Variants in MDN1 observed in about 807,000 individuals in gnomAD.
MDN1 encodes the protein midasin AAA ATPase 1, also known as midasin.
MDN1 carries 266 observed loss-of-function variants against 669.2 expected under a neutral mutation model. That is an observed-to-expected ratio of 0.40 (90% CI 0.36 to 0.44). The LOEUF is 0.44. Among genes scored for constraint, MDN1 ranks in the 20% least tolerant of loss-of-function variants. The pLI is 1.00. For missense variants in MDN1, 5,940 were observed against 6,754.0 expected (o/e 0.88, Z 4.22); for synonymous variants, 2,385 against 2,457.1 (o/e 0.97, Z 0.87).
chr6:89,774,685 G>C lies in MDN1; in HGVS notation c.1870C>G (p.Leu624Val). The C allele has an allele frequency of 6.2e-7, 1 of 1,613,642 alleles. No individual in the cohort carries two copies. Among genetic ancestry groups the C allele is most frequent in the Non-Finnish European group, 8.5e-7 (1 of 1,179,692 alleles). The change falls in exon 13 of 102, where the codon CTA becomes GTA. Residue 624 changes from leucine to valine, a missense_variant. Leu to Val is a conservative substitution (Grantham distance 32). Coordinates refer to ENST00000369393, the MANE Select transcript of MDN1 (RefSeq NM_014611.3). ...LYKPEIVINE[L>V]DLQVGRVRLL... ...CGCACTCGACCCACTTGCAAATCTA[G>C]CTCATTGATCACAATTTCTGGTTTA...
rs552441841 is a variant in MDN1, at chr6:89,701,122, G to A, written c.8428-266C>T. ...TTCATGGGATAGAGCCTGCCCTCTT[G>A]TTATGTGCGGGTTCCGCATCAATTC... On this transcript the variant is annotated intron_variant, in intron 55 of 101. Coordinates refer to ENST00000369393, the MANE Select transcript of MDN1 (RefSeq NM_014611.3). 9.2e-5 allele frequency among the ~76,000 whole-genome samples: 14 copies of A among 152,330 alleles called. No homozygotes were observed. The South Asian group carries it at 2.9e-3, about 32-fold the overall frequency.
Position 89,661,421 on chromosome 6 carries a change from A to G in MDN1, c.14713+10T>C. ...GTTCTAACCGGTCTCTTTGTTTCTG[A>G]AAGACGCACCTTCTCCTTCTTCATT... On this transcript the variant is annotated intron_variant, in intron 88 of 101. Transcript: ENST00000369393. 1 of 1,608,246 alleles carries G rather than the reference A, an allele frequency of 6.2e-7. No individual in the cohort carries two copies.
intron 4 of MDN1, 52 bp from the exon 5 acceptor site, chr6:89,794,006 G>C: frequency 6.8e-7 from 1 of 1,480,656 alleles, no homozygotes. Context: ...AAATGCTATC[G>C]CAAGACCTGC....
intron 33 of MDN1, 71 bp from the exon 34 acceptor site, chr6:89,732,846 G>A (rs1815693454): frequency 3.6e-6 from 5 of 1,395,986 alleles, no homozygotes; most frequent in Middle Eastern, 3.7e-4. Flanking sequence ...ATAACCAGGG[G>A]CACACAAATG....
chr6:89,688,874 G>C (rs1276474982), intron 65 of MDN1, 66 bp from the exon 66 acceptor site: 5 of 1,366,776 alleles, frequency 3.7e-6, no homozygotes, highest in Non-Finnish European at 5.1e-6. Flanking sequence ...ATGTCAAAAA[G>C]ATGTCAGCAA....
intron 22 of MDN1, among the ~76,000 whole-genome samples, chr6:89,751,793 G>C (rs764237822): frequency 1.5e-4 from 23 of 152,108 alleles, no homozygotes; most frequent in Non-Finnish European, 3.2e-4. Flanking sequence ...GAGTAGGTGG[G>C]TTTGGAAAAA....
chr6:89,670,767 C>G (rs558377210), intron 83 of MDN1, 152 bp downstream of exon 83: 1 of 885,372 alleles, frequency 1.1e-6, no homozygotes, highest in East Asian at 2.7e-5. Flanking sequence ...CAAAAGGATG[C>G]CAGACAAAGC....
At chr6:89,750,310 A>G in intron 24 of MDN1, 44 bp downstream of exon 24, 1 of 1,527,784 alleles carries the variant, frequency 6.5e-7, no homozygotes, top group South Asian at 1.2e-5. Flanking sequence ...AATGTGTGTG[A>G]AAGAATAAAC....
chr6:89,734,259 T>C (rs1419250944), intron 33 of MDN1, among the ~76,000 whole-genome samples: 1 of 152,046 alleles, frequency 6.6e-6, no homozygotes, highest in Non-Finnish European at 1.5e-5. Flanking sequence ...TACTCCAGCC[T>C]GGGTGACAGA....
At position 89,695,969 on chromosome 6, in the gene MDN1, C is replaced by T. The variant is rs2128308725; in HGVS notation, c.9407G>A (p.Gly3136Glu). 6.2e-7 allele frequency: 1 copy of T among 1,608,996 alleles called. No individual in the cohort carries two copies. Among genetic ancestry groups the T allele is most frequent in the Non-Finnish European group, 8.5e-7 (1 of 1,177,494 alleles). Reference sequence around the variant, plus strand: ...TGCCAGGTGCCGGAACAGCACCTGCCCCTGGAGTTGGGAATCCGTGCGTCT... The same window carrying T: ...TGCCAGGTGCCGGAACAGCACCTGCTCCTGGAGTTGGGAATCCGTGCGTCT... The part of the protein sequence containing the change: ...EFRRTDSQLQ[G>E]QVLFRHLAGL... Residue 3136 changes from glycine (G) to glutamate (E), a missense_variant, in exon 61 of 102, where the codon GGG becomes GAG. Physicochemically the swap from Gly to Glu is moderately conservative, Grantham distance 98. This residue lies in a region of MDN1 where 2,292 missense variants were observed against 2,638.3 expected (regional missense o/e 0.87). Transcript: ENST00000369393. This position sits in a 1 kb window ranked among gnomAD's most constrained non-coding sequence, Gnocchi z 4.1.
chr6:89,779,027 C>A (rs1033129358), intron 11 of MDN1, among the ~76,000 whole-genome samples: 1 of 151,448 alleles, frequency 6.6e-6, no homozygotes, highest in East Asian at 1.9e-4. Context: ...AATCTATGCA[C>A]ACCTTCTTTA....
In MDN1 at chr6:89,700,233, A is replaced by G; in HGVS notation, c.8700T>C (p.Leu2900=). The change falls in exon 57 of 102, where the codon CTT becomes CTC. Residue 2900 remains leucine, a synonymous_variant. Transcript: ENST00000369393. Reference sequence around the variant, plus strand: ...CATCATGCTTTTTCTCCAGAAAACCAAGTGAGAGTCCTTTGGCTTTCAGTT... The same window carrying G: ...CATCATGCTTTTTCTCCAGAAAACCGAGTGAGAGTCCTTTGGCTTTCAGTT... The part of the protein sequence containing the change: ...CLELKAKGLS[L]GFLEKKHDEA... The G allele has an allele frequency of 6.2e-7, 1 of 1,614,228 alleles. No homozygotes were observed. Among genetic ancestry groups the G allele is most frequent in the Non-Finnish European group, 8.5e-7 (1 of 1,180,038 alleles).
intron 1 of MDN1, among the ~76,000 whole-genome samples, chr6:89,803,895 CTTTTTTTTTTTT>C (rs56246331): frequency 1.3e-5 from 1 of 76,414 alleles, no homozygotes; most frequent in African/African-American, 5.3e-5. Context: ...CTTTTCTTTT[CTTTTTTTTTTTT>C]TTTTTTTTTT....
Position 89,695,799 on chromosome 6 carries a change from G to A in MDN1, c.9577C>T (p.Leu3193=). The change falls in exon 61 of 102, where the codon CTG becomes TTG. Residue 3193 remains leucine, a synonymous_variant. Transcript: ENST00000369393. This position sits in a 1 kb window ranked among gnomAD's most constrained non-coding sequence, Gnocchi z 4.1. ...AGGGAGGTGAGCAACTGGCAGAGCAGTTCCTTGGGCAGCACCTCCTGACCA... is the reference window on the plus strand; with the variant it reads ...AGGGAGGTGAGCAACTGGCAGAGCAATTCCTTGGGCAGCACCTCCTGACCA... ...MAGQEVLPKE[L]LCQLLTSLHH... is the part of the protein sequence containing the mutation. 6.2e-7 allele frequency: 1 copy of A among 1,613,710 alleles called. No homozygotes were observed. Among genetic ancestry groups the A allele is most frequent in the East Asian group, 2.2e-5 (1 of 44,856 alleles).
At position 89,707,433 on chromosome 6, in the gene MDN1, C is replaced by T. The variant is rs1813588534; in HGVS notation, c.7942G>A (p.Ala2648Thr). 3 of 1,613,916 alleles carry T rather than the reference C, an allele frequency of 1.9e-6. No homozygotes were observed. The highest frequency in any genetic ancestry group is 8.5e-7 in the Non-Finnish European group (1 of 1,179,948). The change falls in exon 52 of 102, where the codon GCA becomes ACA. Residue 2648 changes from alanine to threonine, a missense_variant. Coordinates refer to ENST00000369393, the MANE Select transcript of MDN1 (RefSeq NM_014611.3). ...LDREKRVFTE[A>T]NLVSVGSKKL... is the part of the protein sequence containing the mutation. ...TTGCTACCAACAGAAACCAAATTTG[C>T]TTCAGTAAAAACCCGTTTTTCCCGG... is the stretch of plus-strand genomic sequence containing the variant.
rs1379435029 is a variant in MDN1 at position 89,747,425 on chromosome 6, T to C, written c.3808A>G (p.Ile1270Val). The change falls in exon 27 of 102, where the codon ATC becomes GTC. Residue 1270 changes from isoleucine (I) to valine (V), a missense_variant. Transcript: ENST00000369393. ...SSVFAGKQGF[I>V]TLRDLFRWAE... ...CATCGGAACAGATCACGAAGGGTGATGAAGCCCTGCTTTCCAGCAAACACT... is the reference window on the plus strand; with the variant it reads ...CATCGGAACAGATCACGAAGGGTGACGAAGCCCTGCTTTCCAGCAAACACT... The C allele has an allele frequency of 1.2e-6, 2 of 1,613,992 alleles. No homozygotes were observed. Among genetic ancestry groups the C allele is most frequent in the Non-Finnish European group, 1.7e-6 (2 of 1,180,012 alleles).
At chr6:89,771,669 G>T (rs115321535) in intron 14 of MDN1, 48 bp from the exon 15 acceptor site, 20 of 1,477,432 alleles carry the variant, frequency 1.4e-5, no homozygotes, top group Non-Finnish European at 1.7e-5. Flanking sequence ...TTTAAAGACC[G>T]ATAATATCCA....
rs1812639722 is a variant in MDN1 at position 89,695,015 on chromosome 6, C to G, written c.9771+590G>C. ...TTGGGAGGCCAAGGCGGGTGGATCACTTGAGGTCAGAATTCAAGACCAGCC... is the reference window on the plus strand; with the variant it reads ...TTGGGAGGCCAAGGCGGGTGGATCAGTTGAGGTCAGAATTCAAGACCAGCC... On this transcript the variant is annotated intron_variant, in intron 61 of 101. Transcript: ENST00000369393. The surrounding 1 kb of genome is among the most constrained non-coding windows in gnomAD (Gnocchi z 4.1). Among the ~76,000 whole-genome samples, 1 of 152,140 alleles carries G rather than the reference C, an allele frequency of 6.6e-6. No individual in the cohort carries two copies. Among genetic ancestry groups the G allele is most frequent in the South Asian group, 2.1e-4 (1 of 4,824 alleles).
chr6:89,765,256 TACAC>T (rs5878110), intron 15 of MDN1, among the ~76,000 whole-genome samples: 3 of 150,576 alleles, frequency 2.0e-5, no homozygotes, highest in African/African-American at 7.3e-5. Context: ...GACTATGCCA[TACAC>T]ACACACACAC....
Sources: gnomAD v4.1 joint callset for allele counts (sites outside exome capture counted in the v4.1 genomes callset) on GRCh38, gnomAD v4.1.1 for gene constraint, gnomAD v4.1.1 regional missense constraint, Gnocchi (gnomAD v3.1) non-coding constraint, MANE v1.5 for transcripts, NCBI Gene and HGNC (gene_info 2026-07-23, HGNC 2026-07-21) for gene names.